The following PLD5 variants were observed in gnomAD, a reference collection of about 807,000 sequenced individuals.
PLD5 encodes the protein inactive phospholipase D5.
A neutral mutation model predicts 61.1 loss-of-function variants in PLD5; 36 were observed. The observed-to-expected ratio is 0.59, with a 90% CI of 0.45 to 0.78. The LOEUF (loss-of-function observed/expected upper bound fraction) is 0.78. Among genes scored for constraint, PLD5 ranks in the 30% least tolerant of loss-of-function variants. The pLI is 0.00. For synonymous variants in PLD5, 243 were observed against 242.8 expected, an observed-to-expected ratio of 1.00 and a Z score of -0.01; for missense variants, 515 against 644.4, an observed-to-expected ratio of 0.80 and a Z score of 2.17.
chr1:242,529,097 A>G (rs998975046), upstream of PLD5, among the ~76,000 whole-genome samples: 3 of 152,222 alleles, frequency 2.0e-5, no homozygotes, highest in Non-Finnish European at 4.4e-5. Context: ...TCCTAACCAC[A>G]TATGTTAATT....
intron 1 of PLD5, among the ~76,000 whole-genome samples, chr1:242,490,751 G>A (rs1489341537): frequency 6.6e-6 from 1 of 151,936 alleles, no homozygotes; most frequent in Non-Finnish European, 1.5e-5. Flanking sequence ...CTTTAATACT[G>A]TGTAGAGAAA....
intron 1 of PLD5, among the ~76,000 whole-genome samples, chr1:242,504,749 C>A (rs1016128833): frequency 6.6e-6 from 1 of 152,096 alleles, no homozygotes; most frequent in East Asian, 1.9e-4. Context: ...CTCGGTGAAA[C>A]ATGATTTTCC....
rs78330458 is a variant in PLD5 at position 242,208,241 on chromosome 1, G to A, written c.735+11747C>T. Among the ~76,000 whole-genome samples, 90 of 151,516 alleles carry A rather than the reference G, an allele frequency of 5.9e-4. 2 individuals carry two copies. In the South Asian group the frequency reaches 0.017, roughly 28 times the overall value. On this transcript the variant is annotated intron_variant, in intron 5 of 9. Transcript: ENST00000536534. ...ATGCCTGCACAGGTGAGCTCACCCC[G>A]CTCACTCATCATTTAAGGTGCAGCT...
At chr1:242,338,569 T>C (rs1419927306) in intron 2 of PLD5, among the ~76,000 whole-genome samples, 1 of 152,214 alleles carries the variant, frequency 6.6e-6, no homozygotes, top group Non-Finnish European at 1.5e-5. Flanking sequence ...ATCAAAACTT[T>C]GAAATAATTA....
chr1:242,463,846 T>TA (rs1029562332), intron 1 of PLD5, among the ~76,000 whole-genome samples: 54 of 151,174 alleles, frequency 3.6e-4, no homozygotes, highest in Middle Eastern at 6.8e-3. Flanking sequence ...TTTCCCATAT[T>TA]AAAAAAAAAG....
chr1:242,320,708 A>G (rs1368837765), intron 2 of PLD5, among the ~76,000 whole-genome samples: 1 of 152,110 alleles, frequency 6.6e-6, no homozygotes, highest in African/African-American at 2.4e-5. Context: ...AAAAATAAAT[A>G]TACTTAGCAT....
At chr1:242,358,898 T>G (rs12076204) in intron 1 of PLD5, among the ~76,000 whole-genome samples, 1 of 152,246 alleles carries the variant, frequency 6.6e-6, no homozygotes, top group African/African-American at 2.4e-5. Flanking sequence ...TAGTGTCTAC[T>G]TGTTGTGGAA....
At chr1:242,170,191 G>A (rs1206183572) in intron 5 of PLD5, among the ~76,000 whole-genome samples, 2 of 152,148 alleles carry the variant, frequency 1.3e-5, no homozygotes, top group African/African-American at 4.8e-5. Context: ...AGCTCCAACT[G>A]GCATCTGGCA....
At chr1:242,269,658 G>C (rs1247909323) in intron 3 of PLD5, among the ~76,000 whole-genome samples, 1 of 151,884 alleles carries the variant, frequency 6.6e-6, no homozygotes, top group African/African-American at 2.4e-5. Flanking sequence ...ACTATCTTTG[G>C]CTAAGCAAAG....
Position 242,394,326 on chromosome 1 carries a change from GTATATATGTGTGTATA to G in PLD5, c.190-46100_190-46085del, listed in dbSNP as rs1558525913. Among the ~76,000 whole-genome samples the G allele has an allele frequency of 1.8e-4, 14 of 79,154 alleles. 4 individuals are homozygous for G. The highest frequency in any genetic ancestry group is 7.9e-4 in the African/African-American group (14 of 17,654). 51.9% of individuals were successfully genotyped at this position (79,154 alleles called of 152,430 possible). ...TGAGTATATATGTGTGTATATATGAGTATATATGTGTGTATATATGAGTATATATGTGTGTATATAT... is the reference window on the plus strand; with the variant it reads ...TGAGTATATATGTGTGTATATATGAGTATGAGTATATATGTGTGTATATAT... On this transcript the variant is annotated intron_variant, in intron 1 of 9. Transcript: ENST00000536534.
intron 4 of PLD5, among the ~76,000 whole-genome samples, chr1:242,262,733 T>G (rs959621296): frequency 6.6e-6 from 1 of 152,110 alleles, no homozygotes; most frequent in Non-Finnish European, 1.5e-5. Context: ...CATGAGTGAC[T>G]GAGCACATGG....
chr1:242,334,839 T>C (rs1659407619), intron 2 of PLD5, among the ~76,000 whole-genome samples: 1 of 152,226 alleles, frequency 6.6e-6, no homozygotes, highest in South Asian at 2.1e-4. Flanking sequence ...GATGGGGCCG[T>C]AGAAACAAAC....
chr1:242,354,421 A>C (rs2796107), intron 1 of PLD5, among the ~76,000 whole-genome samples: 1 of 152,186 alleles, frequency 6.6e-6, no homozygotes, highest in Non-Finnish European at 1.5e-5. Flanking sequence ...CGTGGCCAAT[A>C]AGTCAGCCGT....
chr1:242,529,254 G>A (rs140680202), upstream of PLD5, among the ~76,000 whole-genome samples: 65 of 152,192 alleles, frequency 4.3e-4, no homozygotes, highest in Admixed American at 1.1e-3. Context: ...CTTTAGCCTC[G>A]TAGTTATTAT....
At chr1:242,235,489 A>G (rs1332329430) in intron 4 of PLD5, 1 of 152,254 alleles carries the variant, frequency 6.6e-6, no homozygotes, top group Admixed American at 6.5e-5. Flanking sequence ...AGAAACTCAG[A>G]AATTTCAAAT....
intron 4 of PLD5, among the ~76,000 whole-genome samples, chr1:242,221,539 G>C (rs1164818089): frequency 6.6e-6 from 1 of 152,186 alleles, no homozygotes; most frequent in Non-Finnish European, 1.5e-5. Context: ...GCTTCCTTGT[G>C]GCAGGAGGAT....
chr1:242,391,443 C>G (rs1234777793), intron 1 of PLD5, among the ~76,000 whole-genome samples: 1 of 152,078 alleles, frequency 6.6e-6, no homozygotes, highest in Non-Finnish European at 1.5e-5. Context: ...TTTAAACACA[C>G]AAAAGGTGAG....
chr1:242,108,929 G>C (rs1170462735), intron 7 of PLD5, among the ~76,000 whole-genome samples: 1 of 152,088 alleles, frequency 6.6e-6, no homozygotes, highest in African/African-American at 2.4e-5. Context: ...TCCCTTGCCT[G>C]CCCAGCCTCA....
intron 4 of PLD5, among the ~76,000 whole-genome samples, chr1:242,248,454 A>G (rs912806416): frequency 2.1e-5 from 3 of 139,988 alleles, no homozygotes; most frequent in African/African-American, 7.9e-5. Flanking sequence ...TTTAAAAAAA[A>G]AGAAAATGAC....
Sources: allele counts gnomAD v4.1 joint callset (sites outside exome capture counted in the v4.1 genomes callset), GRCh38; gene constraint gnomAD v4.1.1; transcripts MANE v1.5; gene names NCBI Gene and HGNC (gene_info 2026-07-23, HGNC 2026-07-21).